Variants in GPC5 observed in about 807,000 individuals in gnomAD.
GPC5 encodes glypican 5.
In GPC5, 47 loss-of-function variants were observed where a neutral mutation model predicts 53.9. That is an observed-to-expected ratio of 0.87 (90% CI 0.69 to 1.11). The LOEUF (loss-of-function observed/expected upper bound fraction) is 1.11, where lower values mean the gene tolerates loss of function less well. Among genes scored for constraint, GPC5 ranks in the 50% most tolerant of loss-of-function variants. GPC5 has a pLI of 0.00. For missense variants in GPC5, 748 were observed against 713.1 expected (o/e 1.05, Z -0.56); for synonymous variants, 286 against 263.3 (o/e 1.09, Z -0.84).
At chr13:92,224,644 C>G (rs868417399) in intron 7 of GPC5, among the ~76,000 whole-genome samples, 13 of 152,274 alleles carry the variant, frequency 8.5e-5, no homozygotes, top group Non-Finnish European at 1.3e-4. Context: ...TTCAGATAGT[C>G]TGGAATTTGG....
chr13:92,261,244 CTT>C (rs917408259), intron 7 of GPC5, among the ~76,000 whole-genome samples: 11 of 152,080 alleles, frequency 7.2e-5, no homozygotes, highest in African/African-American at 1.2e-4. Context: ...CTTTTTCAGT[CTT>C]TGTCAATTTT....
At chr13:92,242,481 T>G (rs186654574) in intron 7 of GPC5, among the ~76,000 whole-genome samples, 2 of 152,162 alleles carry the variant, frequency 1.3e-5, no homozygotes, top group Admixed American at 1.3e-4. Flanking sequence ...TTACTACCTA[T>G]AGAAAAATCT....
chr13:92,327,052 G>A (rs547126346), intron 7 of GPC5, among the ~76,000 whole-genome samples: 1 of 152,194 alleles, frequency 6.6e-6, no homozygotes, highest in East Asian at 1.9e-4. Context: ...TACATCCTGA[G>A]AATTAATGTT....
At position 91,729,840 on chromosome 13, in the gene GPC5, C is replaced by A. The variant is rs183305322; in HGVS notation, c.1154+1175C>A. ...GTTGTATTTCACCAGCAAAACAACCCAGTTGGAAAACAAAACAAAACCCAA... is the reference window on the plus strand; with the variant it reads ...GTTGTATTTCACCAGCAAAACAACCAAGTTGGAAAACAAAACAAAACCCAA... On this transcript the variant is annotated intron_variant, in intron 4 of 7. Coordinates refer to ENST00000377067, the MANE Select transcript of GPC5 (RefSeq NM_004466.6). Among the ~76,000 whole-genome samples, 194 of 152,172 alleles carry A rather than the reference C, an allele frequency of 1.3e-3. 1 individual carries two copies. Among genetic ancestry groups the A allele is most frequent in the African/African-American group, 4.6e-3 (189 of 41,522 alleles).
intron 7 of GPC5, among the ~76,000 whole-genome samples, chr13:92,797,411 C>T (rs930926860): frequency 2.0e-4 from 31 of 151,962 alleles, no homozygotes; most frequent in African/African-American, 7.0e-4. Flanking sequence ...GATTTGGTTA[C>T]ATAATCATTA....
chr13:91,806,997 G>A (rs2038232266), intron 5 of GPC5, among the ~76,000 whole-genome samples: 1 of 151,810 alleles, frequency 6.6e-6, no homozygotes, highest in Non-Finnish European at 1.5e-5. Context: ...CTTTTTTTCA[G>A]TTGTCCAAAG....
chr13:92,248,163 G>A (rs1368294082), intron 7 of GPC5, among the ~76,000 whole-genome samples: 18 of 151,062 alleles, frequency 1.2e-4, no homozygotes, highest in Non-Finnish European at 1.8e-4. Flanking sequence ...ACAATACTTT[G>A]ACGGGTTGAC....
intron 5 of GPC5, among the ~76,000 whole-genome samples, chr13:91,771,152 T>C (rs770095507): frequency 1.3e-5 from 2 of 152,124 alleles, no homozygotes; most frequent in African/African-American, 2.4e-5. Context: ...TGATAGAAAA[T>C]TAGGCAAAGT....
chr13:91,895,548 G>A (rs1472060874), intron 5 of GPC5, among the ~76,000 whole-genome samples: 2 of 151,830 alleles, frequency 1.3e-5, no homozygotes, highest in Non-Finnish European at 2.9e-5. Context: ...ATTTCTGATG[G>A]TTCTTATTAC....
At chr13:92,490,786 T>C (rs1879732098) in intron 7 of GPC5, among the ~76,000 whole-genome samples, 1 of 152,114 alleles carries the variant, frequency 6.6e-6, no homozygotes. Flanking sequence ...AAAATTTTCT[T>C]AAAAATAATT....
chr13:92,397,458 A>G (rs138098466), intron 7 of GPC5, among the ~76,000 whole-genome samples: 4 of 152,344 alleles, frequency 2.6e-5, no homozygotes, highest in Non-Finnish European at 5.9e-5. Context: ...TGAGTCCATT[A>G]AACTTTTTTC....
At chr13:92,448,926 G>A (rs1015103484) in intron 7 of GPC5, 5 of 57,682 alleles carry the variant, frequency 8.7e-5, no homozygotes, top group Non-Finnish European at 1.5e-4. Context: ...TAATGCTATT[G>A]GGCACTGTAG....
intron 6 of GPC5, among the ~76,000 whole-genome samples, chr13:91,920,749 G>C (rs1390383385): frequency 6.6e-6 from 1 of 152,046 alleles, no homozygotes; most frequent in African/African-American, 2.4e-5. Context: ...AGGAATACTA[G>C]AAGACAATGC....
At chr13:92,179,229 C>T (rs1297210930) in intron 7 of GPC5, among the ~76,000 whole-genome samples, 4 of 152,020 alleles carry the variant, frequency 2.6e-5, no homozygotes, top group Admixed American at 2.0e-4. Context: ...ATACTCCTCA[C>T]CACCTAAAAA....
chr13:92,237,666 C>T (rs538376694), intron 7 of GPC5, among the ~76,000 whole-genome samples: 4 of 152,064 alleles, frequency 2.6e-5, no homozygotes, highest in South Asian at 4.1e-4. Context: ...GCATCTTTGT[C>T]GAGATAGAGT....
intron 7 of GPC5, among the ~76,000 whole-genome samples, chr13:92,320,203 T>A (rs1299834506): frequency 6.6e-6 from 1 of 152,126 alleles, no homozygotes; most frequent in East Asian, 1.9e-4. Context: ...ATGAAAGAAA[T>A]GTAAAGGCAT....
rs186920746 is a variant in GPC5 at position 91,530,971 on chromosome 13, G to A, written c.325+82049G>A. 3.3e-5 allele frequency among the ~76,000 whole-genome samples: 5 copies of A among 152,248 alleles called. No individual in the cohort carries two copies. In the East Asian group the frequency reaches 9.7e-4, roughly 29 times the overall value. On this transcript the variant is annotated intron_variant, in intron 2 of 7. Transcript: ENST00000377067. The stretch of plus-strand genomic sequence containing the variant: ...ATGGATAGATCTCTCAGAGATTCTG[G>A]TTTGGTAGATTCTACTTATTACAAT...
intron 7 of GPC5, among the ~76,000 whole-genome samples, chr13:92,272,504 C>T (rs541070185): frequency 1.2e-4 from 19 of 152,238 alleles, no homozygotes; most frequent in Admixed American, 5.2e-4. Context: ...CCACTGAGTA[C>T]CCTACTAACT....
chr13:92,609,583 G>A (rs1254235017), intron 7 of GPC5, among the ~76,000 whole-genome samples: 1 of 152,060 alleles, frequency 6.6e-6, no homozygotes, highest in Non-Finnish European at 1.5e-5. Context: ...TGCCAATAAT[G>A]AGTTTTATGC....
Sources: allele counts gnomAD v4.1 joint callset (sites outside exome capture counted in the v4.1 genomes callset), GRCh38; gene constraint gnomAD v4.1.1; transcripts MANE v1.5; gene names NCBI Gene and HGNC (gene_info 2026-07-23, HGNC 2026-07-21).